The following CNTNAP2 variants were observed in gnomAD, a reference collection of about 807,000 sequenced individuals.
CNTNAP2 encodes contactin associated protein 2, also known as contactin-associated protein-like 2.
CNTNAP2 carries 98 observed loss-of-function variants against 155.2 expected under a neutral mutation model. That is an observed-to-expected ratio of 0.63 (90% CI 0.54 to 0.75). The LOEUF (loss-of-function observed/expected upper bound fraction) is 0.75. Ranked by LOEUF, CNTNAP2 falls within the 30% of genes least tolerant of loss-of-function variation. The pLI is 0.00. For missense variants in CNTNAP2, 1,727 were observed against 1,688.1 expected (o/e 1.02, Z -0.40); for synonymous variants, 651 against 631.2 (o/e 1.03, Z -0.47).
At chr7:146,210,027 C>T (rs1799009163) in intron 1 of CNTNAP2, among the ~76,000 whole-genome samples, 1 of 152,116 alleles carries the variant, frequency 6.6e-6, no homozygotes, top group Admixed American at 6.5e-5. Flanking sequence ...ATACCATTCC[C>T]ACCTCCTCCC....
intron 1 of CNTNAP2, among the ~76,000 whole-genome samples, chr7:146,533,913 C>T (rs1797808386): frequency 6.6e-6 from 1 of 151,850 alleles, no homozygotes; most frequent in South Asian, 2.1e-4. Flanking sequence ...ATGTTATTGG[C>T]AATAACATAA....
At chr7:146,230,311 C>A (rs968162053) in intron 1 of CNTNAP2, among the ~76,000 whole-genome samples, 3 of 152,106 alleles carry the variant, frequency 2.0e-5, no homozygotes, top group Non-Finnish European at 4.4e-5. Context: ...CTGGCAGGAA[C>A]AGGAAAGCAT....
intron 13 of CNTNAP2, among the ~76,000 whole-genome samples, chr7:147,792,531 A>T (rs1797836629): frequency 6.6e-6 from 1 of 151,900 alleles, no homozygotes; most frequent in South Asian, 2.1e-4. Context: ...TATATATCTT[A>T]GTACTTCATT....
chr7:146,961,739 T>A (rs532039020), intron 3 of CNTNAP2, among the ~76,000 whole-genome samples: 109 of 152,214 alleles, frequency 7.2e-4, no homozygotes, highest in African/African-American at 2.4e-3. Context: ...GTGCCAGAAA[T>A]AGGGAAATGT....
intron 16 of CNTNAP2, among the ~76,000 whole-genome samples, chr7:148,143,202 A>G (rs1805110482): frequency 6.6e-6 from 1 of 152,248 alleles, no homozygotes. Context: ...TTGGGAAACT[A>G]TGGATATAAT....
At chr7:146,498,189 G>C (rs10259397) in intron 1 of CNTNAP2, among the ~76,000 whole-genome samples, 7,602 of 152,136 alleles carry the variant, frequency 0.05, 632 homozygotes, top group African/African-American at 0.17. Context: ...AGAAGGATTT[G>C]GAAATTTAAA....
intron 18 of CNTNAP2, among the ~76,000 whole-genome samples, chr7:148,177,392 T>C (rs1562985163): frequency 6.6e-6 from 1 of 152,234 alleles, no homozygotes; most frequent in East Asian, 1.9e-4. Flanking sequence ...AGCCAAGGAA[T>C]TCCTGAGGCT....
At chr7:146,828,418 C>T (rs1562964933) in intron 2 of CNTNAP2, among the ~76,000 whole-genome samples, 3 of 151,894 alleles carry the variant, frequency 2.0e-5, no homozygotes, top group Middle Eastern at 3.2e-3. Flanking sequence ...GAACGCAGTC[C>T]AATCTCTCAA....
rs1267343130 is a variant in CNTNAP2, at chr7:146,796,858, CG to C, written c.208+22480del. 2.6e-5 allele frequency among the ~76,000 whole-genome samples: 4 copies of C among 152,112 alleles called. No homozygotes were observed. In the East Asian group the frequency reaches 7.8e-4, roughly 30 times the overall value. On this transcript the variant is annotated intron_variant, in intron 2 of 23. Transcript: ENST00000361727. ...CACTCATTAAGAAAACATTCTTGGC[CG>C]GGCGCGGTGGCTCACACCTGTAATC...
intron 1 of CNTNAP2, among the ~76,000 whole-genome samples, chr7:146,265,671 G>T (rs944396991): frequency 6.6e-6 from 1 of 151,968 alleles, no homozygotes; most frequent in Admixed American, 6.6e-5. Context: ...TGTTGGCCAG[G>T]CTGATCTCAA....
chr7:146,802,333 A>C (rs1312523381), intron 2 of CNTNAP2, among the ~76,000 whole-genome samples: 1 of 152,150 alleles, frequency 6.6e-6, no homozygotes, highest in South Asian at 2.1e-4. Context: ...CCCCCCTTAC[A>C]TCAAATCCCT....
intron 13 of CNTNAP2, among the ~76,000 whole-genome samples, chr7:147,891,297 C>T (rs578063766): frequency 3.9e-5 from 6 of 152,048 alleles, no homozygotes; most frequent in East Asian, 1.9e-4. Context: ...CTCTGCCTCC[C>T]GGGTTCAAGC....
chr7:147,378,375 C>A (rs533432643), intron 9 of CNTNAP2, among the ~76,000 whole-genome samples: 1 of 151,890 alleles, frequency 6.6e-6, no homozygotes, highest in East Asian at 1.9e-4. Context: ...AATGGGGTAT[C>A]CATCACCTAA....
intron 12 of CNTNAP2, among the ~76,000 whole-genome samples, chr7:147,579,383 AAC>A (rs1390790260): frequency 2.0e-5 from 3 of 152,196 alleles, no homozygotes; most frequent in Non-Finnish European, 4.4e-5. Context: ...CACAGTGACA[AAC>A]ACACATAAAA....
chr7:147,269,590 T>C (rs1804693627), intron 8 of CNTNAP2, among the ~76,000 whole-genome samples: 1 of 152,220 alleles, frequency 6.6e-6, no homozygotes, highest in Non-Finnish European at 1.5e-5. Context: ...GTTTACATGT[T>C]TGCTATATTC....
At chr7:146,529,361 C>T (rs759393730) in intron 1 of CNTNAP2, among the ~76,000 whole-genome samples, 4 of 152,060 alleles carry the variant, frequency 2.6e-5, no homozygotes, top group Non-Finnish European at 5.9e-5. Flanking sequence ...CAGTATATAA[C>T]TTCAGTCTCT....
chr7:146,913,738 G>A (rs1482745917), intron 3 of CNTNAP2, among the ~76,000 whole-genome samples: 1 of 151,896 alleles, frequency 6.6e-6, no homozygotes, highest in South Asian at 2.1e-4. Context: ...ATAGATAAGT[G>A]GGGTATCAAC....
intron 1 of CNTNAP2, among the ~76,000 whole-genome samples, chr7:146,441,265 C>A (rs1275405566): frequency 6.6e-6 from 1 of 151,510 alleles, no homozygotes; most frequent in East Asian, 1.9e-4. Context: ...TAATATCTTT[C>A]TTAAGCCCTA....
chr7:146,754,853 T>C (rs765186871), intron 1 of CNTNAP2, among the ~76,000 whole-genome samples: 11 of 151,998 alleles, frequency 7.2e-5, no homozygotes, highest in Non-Finnish European at 1.6e-4. Context: ...AAAACTATTT[T>C]CCTGTTTCTT....
Sources: gnomAD v4.1 joint callset for allele counts (sites outside exome capture counted in the v4.1 genomes callset) on GRCh38, gnomAD v4.1.1 for gene constraint, MANE v1.5 for transcripts, NCBI Gene and HGNC (gene_info 2026-07-23, HGNC 2026-07-21) for gene names.